The following KCNIP1 variants were observed in gnomAD, a reference collection of about 807,000 sequenced individuals.
KCNIP1 encodes potassium voltage-gated channel interacting protein 1.
A neutral mutation model predicts 33.0 loss-of-function variants in KCNIP1; 18 were observed. The observed-to-expected ratio is 0.55, with a 90% CI of 0.38 to 0.81. The LOEUF is 0.81. Among genes scored for constraint, KCNIP1 ranks in the 30% least tolerant of loss-of-function variants. KCNIP1 has a pLI of 0.00. For missense variants in KCNIP1, 238 were observed against 271.6 expected (o/e 0.88, Z 0.87); for synonymous variants, 93 against 98.3 (o/e 0.95, Z 0.32).
intron 1 of KCNIP1, among the ~76,000 whole-genome samples, chr5:170,697,175 C>G (rs1356302114): frequency 1.3e-5 from 2 of 152,150 alleles, no homozygotes; most frequent in Non-Finnish European, 2.9e-5. Flanking sequence ...CTCAGGGAAG[C>G]CTGCCCTGAA....
chr5:170,463,272 C>A (rs959071908), intron 1 of KCNIP1, among the ~76,000 whole-genome samples: 7 of 152,144 alleles, frequency 4.6e-5, no homozygotes, highest in African/African-American at 1.7e-4. Context: ...AATGTCAATT[C>A]TTCACAAAGT....
chr5:170,523,961 C>T (rs993737393), intron 1 of KCNIP1, among the ~76,000 whole-genome samples: 1 of 152,164 alleles, frequency 6.6e-6, no homozygotes, highest in Non-Finnish European at 1.5e-5. Flanking sequence ...GTCAGTTCTA[C>T]AGCAGATGTG....
chr5:170,659,869 T>G (rs1761408386), intron 1 of KCNIP1, among the ~76,000 whole-genome samples: 2 of 152,198 alleles, frequency 1.3e-5, no homozygotes, highest in Non-Finnish European at 2.9e-5. Context: ...ATCTCCATCG[T>G]TCATCTCCTG....
intron 1 of KCNIP1, among the ~76,000 whole-genome samples, chr5:170,520,913 C>CA (rs1272381544): frequency 6.6e-6 from 1 of 152,230 alleles, no homozygotes; most frequent in Non-Finnish European, 1.5e-5. Flanking sequence ...GATAAGTCAT[C>CA]TACTCTCTAT....
At chr5:170,726,502 G>C (rs1272388052) in intron 5 of KCNIP1, among the ~76,000 whole-genome samples, 1 of 152,108 alleles carries the variant, frequency 6.6e-6, no homozygotes, top group Non-Finnish European at 1.5e-5. Flanking sequence ...TGGAGCAATA[G>C]AAACTCTCAT....
chr5:170,555,292 G>C lies in KCNIP1; in HGVS notation c.61+50659G>C, dbSNP rs563402749. Among the ~76,000 whole-genome samples, 5 of 152,276 alleles carry C rather than the reference G, an allele frequency of 3.3e-5. No individual in the cohort carries two copies. In the South Asian group the frequency reaches 1.0e-3, roughly 32 times the overall value. On this transcript the variant is annotated intron_variant, in intron 1 of 7. Coordinates refer to ENST00000328939, the MANE Select transcript of KCNIP1 (RefSeq NM_014592.4). The stretch of plus-strand genomic sequence containing the variant: ...CACATGGGAAATAGCTTCCAAGGAG[G>C]ATCTTTGGGGGCAGAAGGAATGAGG...
At chr5:170,713,746 G>C (rs543109034) in intron 1 of KCNIP1, among the ~76,000 whole-genome samples, 22 of 152,288 alleles carry the variant, frequency 1.4e-4, no homozygotes, top group African/African-American at 5.3e-4. Context: ...GGATGGCCGG[G>C]TGCAGTGGCT....
At chr5:170,366,864 TC>T (rs933184582) in intron 1 of KCNIP1, among the ~76,000 whole-genome samples, 4 of 152,132 alleles carry the variant, frequency 2.6e-5, no homozygotes, top group African/African-American at 9.7e-5. Context: ...CCTCGCCTCC[TC>T]CCTTCATCTC....
At chr5:170,604,097 C>G (rs1028415422) in intron 1 of KCNIP1, among the ~76,000 whole-genome samples, 1 of 152,052 alleles carries the variant, frequency 6.6e-6, no homozygotes, top group Non-Finnish European at 1.5e-5. Context: ...GGTGACGGCC[C>G]GGTGGTGGGA....
chr5:170,711,920 TGGG>T (rs576865172), intron 1 of KCNIP1, among the ~76,000 whole-genome samples: 3 of 152,062 alleles, frequency 2.0e-5, no homozygotes, highest in Non-Finnish European at 4.4e-5. Context: ...GGTTGCAGAT[TGGG>T]GGACAGGAGA....
chr5:170,570,809 G>T (rs952003185), intron 1 of KCNIP1, among the ~76,000 whole-genome samples: 1 of 152,122 alleles, frequency 6.6e-6, no homozygotes, highest in Non-Finnish European at 1.5e-5. Context: ...TCCCAGGCTG[G>T]GTATCAGGTT....
intron 1 of KCNIP1, among the ~76,000 whole-genome samples, chr5:170,551,826 TTGAG>T (rs1386067739): frequency 2.6e-5 from 4 of 151,716 alleles, no homozygotes; most frequent in Non-Finnish European, 5.9e-5. Flanking sequence ...TATGTGATGT[TTGAG>T]TGTACGTGTT....
chr5:170,568,499 T>TC (rs757906028), intron 1 of KCNIP1, among the ~76,000 whole-genome samples: 1 of 151,800 alleles, frequency 6.6e-6, no homozygotes, highest in Non-Finnish European at 1.5e-5. Context: ...GGTGATTCCT[T>TC]CTACAGACCA....
intron 1 of KCNIP1, among the ~76,000 whole-genome samples, chr5:170,401,965 C>T (rs1754916359): frequency 6.6e-6 from 1 of 152,134 alleles, no homozygotes; most frequent in Non-Finnish European, 1.5e-5. Context: ...TGTCAGCAGG[C>T]CCGTGCTCCC....
Position 170,367,366 on chromosome 5 carries a change from A to G in KCNIP1, c.88+13402A>G, listed in dbSNP as rs189428193. 8.2e-4 allele frequency among the ~76,000 whole-genome samples: 82 copies of G among 100,060 alleles called. 1 individual carries two copies. Among genetic ancestry groups the G allele is most frequent in the Middle Eastern group, 4.3e-3 (1 of 230 alleles). The allele number at this position is 100,060 out of a possible 152,430, so 65.6% of individuals were successfully genotyped here. On this transcript the variant is annotated intron_variant, in intron 1 of 7. Transcript: ENST00000377360. ...AGGAAAGAAAAAGAAAGAAAGAAAG[A>G]AAGAAAGAAAGAAAGAAAGAAAGAA...
chr5:170,357,732 T>C lies in KCNIP1; in HGVS notation c.88+3768T>C, dbSNP rs185763204. ...TTATAGAGACAGGGTCTCACTATGT[T>C]GCCCAGGTTGATGTCAAACTCCTGG... On this transcript the variant is annotated intron_variant, in intron 1 of 7. Transcript: ENST00000377360. Among the ~76,000 whole-genome samples, 26 of 152,328 alleles carry C rather than the reference T, an allele frequency of 1.7e-4. No homozygotes were observed. In the South Asian group the frequency reaches 3.5e-3, roughly 21 times the overall value.
intron 1 of KCNIP1, among the ~76,000 whole-genome samples, chr5:170,427,633 C>T (rs982012675): frequency 6.6e-5 from 10 of 152,220 alleles, no homozygotes; most frequent in African/African-American, 2.2e-4. Flanking sequence ...GACCAGTCTC[C>T]ACTGGTCCCC....
chr5:170,414,703 A>C (rs1299090330), intron 1 of KCNIP1, among the ~76,000 whole-genome samples: 1 of 152,254 alleles, frequency 6.6e-6, no homozygotes, highest in African/African-American at 2.4e-5. Flanking sequence ...TATTGAATGG[A>C]TCCAAGTTTC....
intron 1 of KCNIP1, among the ~76,000 whole-genome samples, chr5:170,705,325 G>A (rs148159757): frequency 7.2e-5 from 11 of 152,300 alleles, no homozygotes; most frequent in African/African-American, 2.4e-4. Context: ...CTGGGCAGGC[G>A]GATATACATT....
Sources: gnomAD v4.1 joint callset for allele counts (sites outside exome capture counted in the v4.1 genomes callset) on GRCh38, gnomAD v4.1.1 for gene constraint, MANE v1.5 for transcripts, NCBI Gene and HGNC (gene_info 2026-07-23, HGNC 2026-07-21) for gene names.